LINC02747: variants seen among roughly 807,000 people sequenced by gnomAD.
LINC02747 encodes long independently transcribed non-coding RNA 2747, also known as CCND1-upstream intergenic DNA repair 2.
chr11:69,480,884 C>CGATTCCCAAGGTTCCCTGGAATCCTCAG (rs968243689), intron 1 of LINC02747, among the ~76,000 whole-genome samples: 1 of 152,206 alleles, frequency 6.6e-6, no homozygotes, highest in African/African-American at 2.4e-5. Flanking sequence ...CAGGCCTCTT[C>CGATTCCCAAGGTTCCCTGGAATCCTCAG]GATTCCCAAG....
chr11:69,476,638 A>G (rs1856998240), exon 2 of LINC02747: 3 of 152,142 alleles, frequency 2.0e-5, no homozygotes, highest in African/African-American at 7.2e-5. Context: ...GACCCCGCAT[A>G]CAGGGGGTCG....
chr11:69,477,623 G>A (rs642338), intron 1 of LINC02747: 128,941 of 152,122 alleles, frequency 0.85, 54,643 homozygotes, highest in African/African-American at 0.88. Flanking sequence ...CCTGTGGGGA[G>A]GAGCAGAGGT....
chr11:69,480,703 T>G (rs530993970), intron 1 of LINC02747, among the ~76,000 whole-genome samples: 4 of 152,182 alleles, frequency 2.6e-5, no homozygotes, highest in Non-Finnish European at 5.9e-5. Context: ...AGTGTTCAGG[T>G]CACCACAGTG....
intron 1 of LINC02747, among the ~76,000 whole-genome samples, chr11:69,479,086 C>G (rs1857024016): frequency 6.6e-6 from 1 of 151,570 alleles, no homozygotes; most frequent in Non-Finnish European, 1.5e-5. Context: ...GAAACCCTGT[C>G]TCTACTAAAA....
At chr11:69,480,403 C>G (rs1407027575) in intron 1 of LINC02747, among the ~76,000 whole-genome samples, 1 of 152,170 alleles carries the variant, frequency 6.6e-6, no homozygotes, top group Non-Finnish European at 1.5e-5. Flanking sequence ...ACGTCACGGG[C>G]ACCCAGAACC....
intron 1 of LINC02747, among the ~76,000 whole-genome samples, chr11:69,480,791 T>G (rs886433849): frequency 6.6e-6 from 1 of 152,136 alleles, no homozygotes; most frequent in African/African-American, 2.4e-5. Context: ...GCTGACCTCA[T>G]CATGTGGAAG....
chr11:69,479,084 G>C (rs1243223823), intron 1 of LINC02747, among the ~76,000 whole-genome samples: 1 of 151,526 alleles, frequency 6.6e-6, no homozygotes, highest in Non-Finnish European at 1.5e-5. Flanking sequence ...ATGAAACCCT[G>C]TCTCTACTAA....
At chr11:69,477,330 C>CA (rs1284494384) in exon 2 of LINC02747, 10 of 152,284 alleles carry the variant, frequency 6.6e-5, no homozygotes, top group African/African-American at 2.2e-4. Context: ...CAGCCATGGG[C>CA]TGAGCACATG....
chr11:69,477,168 G>A (rs372825112), exon 2 of LINC02747: 83 of 152,334 alleles, frequency 5.4e-4, no homozygotes, highest in African/African-American at 1.6e-3. Flanking sequence ...GTGAGGCTCC[G>A]AAAGGTCCAA....
chr11:69,477,873 G>A (rs1023865105), intron 1 of LINC02747, among the ~76,000 whole-genome samples: 2 of 152,142 alleles, frequency 1.3e-5, no homozygotes, highest in Non-Finnish European at 2.9e-5. Flanking sequence ...AGACGAAAAT[G>A]CAAGATGAAA....
Position 69,478,766 on chromosome 11 carries a change from C to T in LINC02747, n.121-1153G>A, listed in dbSNP as rs116494881. Among the ~76,000 whole-genome samples, 267 of 152,064 alleles carry T rather than the reference C, an allele frequency of 1.8e-3. 3 individuals are homozygous for T. Among genetic ancestry groups the T allele is most frequent in the African/African-American group, 6.0e-3 (249 of 41,490 alleles). On this transcript the variant is annotated intron_variant and non_coding_transcript_variant, in intron 1 of 1. Coordinates refer to ENST00000645449, the Ensembl canonical transcript of LINC02747. ...AGGAGAATGGCTTAAACCCAGGAGT[C>T]GAGGCAGGAGAATCACTTGAACCCA...
chr11:69,476,593 G>C (rs1376512229), exon 2 of LINC02747: 1 of 152,122 alleles, frequency 6.6e-6, no homozygotes, highest in Non-Finnish European at 1.5e-5. Flanking sequence ...AGCCCGCTGG[G>C]GTGGGCCGCT....
intron 1 of LINC02747, among the ~76,000 whole-genome samples, chr11:69,478,462 A>T (rs1857016193): frequency 6.6e-6 from 1 of 151,918 alleles, no homozygotes; most frequent in Non-Finnish European, 1.5e-5. Flanking sequence ...GTCTTTCCTC[A>T]CTCACACCTC....
intron 1 of LINC02747, among the ~76,000 whole-genome samples, chr11:69,478,584 T>C (rs1857017254): frequency 6.6e-6 from 1 of 152,226 alleles, no homozygotes; most frequent in Non-Finnish European, 1.5e-5. Flanking sequence ...GGCTCATGCC[T>C]GTAATCCCAG....
chr11:69,479,692 T>C (rs111506594), intron 1 of LINC02747: 4,291 of 152,680 alleles, frequency 0.028, 210 homozygotes, highest in African/African-American at 0.097. Context: ...GAACGCACAC[T>C]CACCTTCCGC....
intron 1 of LINC02747, among the ~76,000 whole-genome samples, chr11:69,477,894 C>T (rs888655274): frequency 2.6e-5 from 4 of 152,178 alleles, no homozygotes; most frequent in African/African-American, 9.7e-5. Context: ...ATGCAAGACC[C>T]TCCTTCCAGG....
intron 1 of LINC02747, among the ~76,000 whole-genome samples, chr11:69,478,814 C>A (rs183820225): frequency 6.6e-6 from 1 of 152,076 alleles, no homozygotes; most frequent in Non-Finnish European, 1.5e-5. Context: ...TGCAGCGAGC[C>A]GAGATTGTGC....
chr11:69,479,057 C>G (rs1321631796), intron 1 of LINC02747, among the ~76,000 whole-genome samples: 5 of 151,966 alleles, frequency 3.3e-5, no homozygotes. Context: ...GAGTTCGAGA[C>G]TAGCCTGGCC....
chr11:69,476,935 T>C (rs1211296005), exon 2 of LINC02747: 1 of 152,248 alleles, frequency 6.6e-6, no homozygotes, highest in East Asian at 1.9e-4. Flanking sequence ...ATTCCCAGGC[T>C]GAAGGCTCGG....
Sources: allele counts gnomAD v4.1 joint callset (sites outside exome capture counted in the v4.1 genomes callset), GRCh38; gene constraint gnomAD v4.1.1; transcripts MANE v1.5; gene names NCBI Gene and HGNC (gene_info 2026-07-23, HGNC 2026-07-21).